Variants in CEP63 observed in about 807,000 individuals in gnomAD.
The protein encoded by CEP63 is centrosomal protein 63.
Under a neutral mutation model 89.1 loss-of-function variants are expected in CEP63, and 84 were observed. That is an observed-to-expected ratio of 0.94 (90% CI 0.79 to 1.13). The LOEUF (loss-of-function observed/expected upper bound fraction) is 1.13. CEP63 is among the 50% of genes most tolerant of loss of function. CEP63 has a pLI of 0.00. For synonymous variants in CEP63, 267 were observed against 272.5 expected (o/e 0.98, Z 0.20); for missense variants, 838 against 813.3 (o/e 1.03, Z -0.37).
the CEP63 span, among the ~76,000 whole-genome samples, chr3:134,605,122 AC>A: frequency 8.6e-5 from 13 of 150,568 alleles, no homozygotes; most frequent in South Asian, 2.1e-4. Context: ...CCACACTGCC[AC>A]CCCCCATCTC....
the CEP63 span, among the ~76,000 whole-genome samples, chr3:134,675,617 AT>A: frequency 6.6e-6 from 1 of 152,212 alleles, no homozygotes; most frequent in Admixed American, 6.5e-5. Context: ...GGAAGAAAAT[AT>A]TTTAAAGTCA....
At chr3:134,611,609 T>G in the CEP63 span, among the ~76,000 whole-genome samples, 7 of 152,264 alleles carry the variant, frequency 4.6e-5, no homozygotes, top group Admixed American at 2.6e-4. Context: ...ACCGAGGATG[T>G]GCTTGATGCC....
chr3:134,507,059 G>A, intron 2 of CEP63, 50 bp from the exon 3 acceptor site: 2 of 1,443,538 alleles, frequency 1.4e-6, no homozygotes, highest in Admixed American at 1.7e-5. Flanking sequence ...AAGATGAAAA[G>A]CCACTTGAAC....
chr3:134,514,036 GATAGAA>G (rs1414826501), intron 3 of CEP63, among the ~76,000 whole-genome samples: 1 of 152,124 alleles, frequency 6.6e-6, no homozygotes, highest in East Asian at 1.9e-4. Flanking sequence ...AGCAGCAGAA[GATAGAA>G]ATAGACCCAT....
chr3:134,762,621 G>C, the CEP63 span, among the ~76,000 whole-genome samples: 1 of 152,174 alleles, frequency 6.6e-6, no homozygotes, highest in East Asian at 1.9e-4. Context: ...GACTACACAA[G>C]GGCATAGGGA....
At chr3:134,553,458 C>T (rs1382829258) in intron 12 of CEP63, 1 of 151,766 alleles carries the variant, frequency 6.6e-6, no homozygotes, top group Non-Finnish European at 1.5e-5. Context: ...TATAAAAATT[C>T]CCTACAAAGA....
the CEP63 span, among the ~76,000 whole-genome samples, chr3:134,724,750 A>C: frequency 1.3e-5 from 2 of 152,200 alleles, no homozygotes; most frequent in African/African-American, 4.8e-5. Context: ...TCATTTTTGA[A>C]GGGAATAATG....
At chr3:134,690,815 C>T in the CEP63 span, among the ~76,000 whole-genome samples, 1 of 144,172 alleles carries the variant, frequency 6.9e-6, no homozygotes, top group Admixed American at 7.1e-5. Context: ...ACAGTGCAAT[C>T]TTGGCTCACT....
the CEP63 span, among the ~76,000 whole-genome samples, chr3:134,703,782 C>T: frequency 1.3e-5 from 2 of 152,110 alleles, no homozygotes. Context: ...AACCCCTGAA[C>T]TTAAAAGTTG....
the CEP63 span, among the ~76,000 whole-genome samples, chr3:134,682,074 G>T: frequency 1.5e-3 from 230 of 152,308 alleles, 2 homozygotes; most frequent in Admixed American, 2.9e-3. Context: ...CAGAGGGTGA[G>T]TTTTCTGAGT....
At chr3:134,662,075 G>A in the CEP63 span, among the ~76,000 whole-genome samples, 5 of 152,138 alleles carry the variant, frequency 3.3e-5, no homozygotes, top group Non-Finnish European at 5.9e-5. Flanking sequence ...TCAGGAGTTC[G>A]AGACCAGCTG....
the CEP63 span, among the ~76,000 whole-genome samples, chr3:134,635,279 T>G: frequency 6.6e-6 from 1 of 152,032 alleles, no homozygotes; most frequent in African/African-American, 2.4e-5. Context: ...GGTGGATCAC[T>G]TGAGGTCAGG....
the CEP63 span, chr3:134,650,789 C>G: frequency 1.3e-6 from 2 of 1,534,162 alleles, no homozygotes; most frequent in East Asian, 2.4e-5. Context: ...GCCAAGGTGC[C>G]GGGGGACCCG....
intron 3 of CEP63, among the ~76,000 whole-genome samples, chr3:134,509,517 C>A (rs907307714): frequency 1.3e-5 from 2 of 152,182 alleles, no homozygotes; most frequent in African/African-American, 4.8e-5. Flanking sequence ...CGATTCTTTC[C>A]CAAACCTATT....
chr3:134,574,706 C>A (rs1958152821), intron 11 of CEP63: 2 of 480,092 alleles, frequency 4.2e-6, no homozygotes, highest in South Asian at 3.4e-5. Flanking sequence ...CTCCTGGGCT[C>A]AACTGATCCA....
the CEP63 span, among the ~76,000 whole-genome samples, chr3:134,648,975 G>A: frequency 3.7e-4 from 57 of 152,144 alleles, no homozygotes; most frequent in African/African-American, 1.4e-3. Flanking sequence ...GAACAAGCTG[G>A]TCTTATTGGG....
the CEP63 span, among the ~76,000 whole-genome samples, chr3:134,715,976 G>T: frequency 6.7e-6 from 1 of 150,222 alleles, no homozygotes; most frequent in East Asian, 1.9e-4. Context: ...TTCTTTCAAA[G>T]ACTTTTTTTT....
the CEP63 span, among the ~76,000 whole-genome samples, chr3:134,778,112 T>C: frequency 6.6e-6 from 1 of 151,246 alleles, no homozygotes; most frequent in African/African-American, 2.4e-5. Flanking sequence ...TTTTTTTTTT[T>C]TTGAGACGGA....
the CEP63 span, among the ~76,000 whole-genome samples, chr3:134,777,340 T>C: frequency 8.5e-5 from 13 of 152,212 alleles, no homozygotes; most frequent in Non-Finnish European, 1.5e-4. Context: ...ATTGGCCTTA[T>C]TTCTTCTCCT....
Sources: gnomAD v4.1 joint callset for allele counts (sites outside exome capture counted in the v4.1 genomes callset) on GRCh38, gnomAD v4.1.1 for gene constraint, MANE v1.5 for transcripts, NCBI Gene and HGNC (gene_info 2026-07-23, HGNC 2026-07-21) for gene names.